The following TMC5 variants were observed in gnomAD, a reference collection of about 807,000 sequenced individuals.
The protein encoded by TMC5 is transmembrane channel-like protein 5.
A neutral mutation model predicts 110.5 loss-of-function variants in TMC5; 86 were observed. The observed-to-expected ratio is 0.78, with a 90% CI of 0.65 to 0.93. TMC5 has a LOEUF of 0.93. Ranked by LOEUF, TMC5 falls within the 40% of genes least tolerant of loss-of-function variation. The probability of loss-of-function intolerance (pLI) is 0.00; values close to 1 mark genes in which losing one functional copy is unlikely to be tolerated. For synonymous variants in TMC5, 455 were observed against 439.5 expected (o/e 1.04, Z -0.44); for missense variants, 1,144 against 1,222.8 (o/e 0.94, Z 0.96).
chr16:19,479,612 C>T (rs1968568202), intron 14 of TMC5, 84 bp downstream of exon 14: 3 of 932,130 alleles, frequency 3.2e-6, no homozygotes, highest in Admixed American at 1.9e-5. Flanking sequence ...ATACAGGTGC[C>T]TGACATACTC....
At chr16:19,451,441 C>T (rs967972224) in intron 5 of TMC5, among the ~76,000 whole-genome samples, 31 of 152,130 alleles carry the variant, frequency 2.0e-4, no homozygotes, top group Non-Finnish European at 5.9e-5. Flanking sequence ...CACTGGGGCA[C>T]AGAATGGCTT....
exon 1 of TMC5, chr16:19,410,972 C>G (rs1269538732): frequency 6.6e-6 from 1 of 152,320 alleles, no homozygotes; most frequent in Non-Finnish European, 1.5e-5. Context: ...GCGGGGAGAA[C>G]CACCAGGCGC....
chr16:19,436,374 G>C (rs1967350855), intron 2 of TMC5, among the ~76,000 whole-genome samples: 1 of 151,664 alleles, frequency 6.6e-6, no homozygotes, highest in Admixed American at 6.6e-5. Context: ...CAATACAGCT[G>C]TATCTGTTTT....
chr16:19,456,501 G>T (rs1215937037), intron 5 of TMC5: 4 of 1,303,486 alleles, frequency 3.1e-6, no homozygotes, highest in Middle Eastern at 3.0e-4. Flanking sequence ...CTCCTCAGGG[G>T]TTAGATGCAG....
At chr16:19,493,718 C>A (rs1968977866) in intron 19 of TMC5, among the ~76,000 whole-genome samples, 1 of 152,186 alleles carries the variant, frequency 6.6e-6, no homozygotes, top group African/African-American at 2.4e-5. Flanking sequence ...GCCTTGGCCT[C>A]CCAAAGTGCT....
Position 19,492,943 on chromosome 16 carries a change from A to ATATATATATATATGT in TMC5, c.2826+715_2826+716insTATATATATATATGT, listed in dbSNP as rs61334845. ...ATATATATATATATATCTCTCTATA[A>ATATATATATATATGT]GATAAATACTTTTATTTCATTTATT... On this transcript the variant is annotated intron_variant, in intron 19 of 21. Transcript: ENST00000542583. Among the ~76,000 whole-genome samples the ATATATATATATATGT allele has an allele frequency of 1.2e-4, 11 of 92,078 alleles. 1 individual carries two copies. The highest frequency in any genetic ancestry group is 1.9e-4 in the Non-Finnish European group (8 of 41,942). 60.4% of individuals were successfully genotyped at this position (92,078 alleles called of 152,430 possible).
chr16:19,449,147 G>A (rs536722959), intron 4 of TMC5, among the ~76,000 whole-genome samples: 7 of 151,896 alleles, frequency 4.6e-5, no homozygotes, highest in South Asian at 2.1e-4. Flanking sequence ...CACTGTGCCC[G>A]GCCACATATA....
At chr16:19,469,059 G>T (rs1454156580) in intron 9 of TMC5, among the ~76,000 whole-genome samples, 2 of 152,140 alleles carry the variant, frequency 1.3e-5, no homozygotes, top group Non-Finnish European at 2.9e-5. Flanking sequence ...AAGGGTAAAA[G>T]AACAAATTTG....
intron 2 of TMC5, among the ~76,000 whole-genome samples, chr16:19,434,513 G>A (rs1429576058): frequency 6.8e-6 from 1 of 146,082 alleles, no homozygotes; most frequent in African/African-American, 2.6e-5. Context: ...GAGAGAGATG[G>A]GGGTCTTGCT....
At chr16:19,495,035 G>A (rs1443237328) in intron 20 of TMC5, among the ~76,000 whole-genome samples, 8 of 3,338 alleles carry the variant, frequency 2.4e-3, no homozygotes, top group East Asian at 6.8e-3. Context: ...TTTTTTTTGA[G>A]ACGGAGTCTC....
chr16:19,438,390 C>CAAAA (rs60807937), intron 2 of TMC5, among the ~76,000 whole-genome samples: 1,218 of 59,222 alleles, frequency 0.021, 5 homozygotes, highest in Middle Eastern at 0.057. Flanking sequence ...GACACCCTGT[C>CAAAA]AAAAAAAAAA....
At position 19,498,334 on chromosome 16, in the gene TMC5, G is replaced by C. The variant is rs1358858834; in HGVS notation, c.*368G>C. Reference sequence around the variant, plus strand: ...CTCTCCTGCCAGACTTCCCAGACCTGGCAAAGGTTTAGAAACTGTTGCTAA... The same window carrying C: ...CTCTCCTGCCAGACTTCCCAGACCTCGCAAAGGTTTAGAAACTGTTGCTAA... On this transcript the variant is annotated 3_prime_UTR_variant, in exon 22 of 22. Coordinates refer to ENST00000542583, the MANE Select transcript of TMC5 (RefSeq NM_001261841.2). The C allele has an allele frequency of 4.6e-6, 1 of 218,640 alleles. No individual in the cohort carries two copies. 13.5% of individuals were successfully genotyped at this position (218,640 alleles called of 1,614,324 possible).
In TMC5 at chr16:19,440,034, C is replaced by G. The variant is rs996006543; in HGVS notation, c.-5C>G. ...ACCACTCCAGGGTGAAGAGTCCATA[C>G]CAACATGTCTGCCTACTACAGGAAT... On this transcript the variant is annotated 5_prime_UTR_variant, in exon 3 of 22. Transcript: ENST00000542583. The G allele has an allele frequency of 3.1e-6, 5 of 1,609,866 alleles. No homozygotes were observed. Among genetic ancestry groups the G allele is most frequent in the African/African-American group, 1.3e-5 (1 of 74,784 alleles).
intron 11 of TMC5, 56 bp from the exon 12 acceptor site, chr16:19,474,069 C>T: frequency 3.3e-6 from 5 of 1,531,678 alleles, no homozygotes; most frequent in Non-Finnish European, 4.4e-6. Flanking sequence ...TTGAGTGAAG[C>T]AGAAAGGGGT....
At chr16:19,494,154 C>G (rs539743119) in intron 19 of TMC5, 108 bp from the exon 20 acceptor site, 1 of 822,056 alleles carries the variant, frequency 1.2e-6, no homozygotes, top group African/African-American at 1.7e-5. Flanking sequence ...CTTCTAGGAT[C>G]CTAGCTGCCT....
chr16:19,490,739 CTT>C (rs1310936656), intron 18 of TMC5, among the ~76,000 whole-genome samples, 171 bp downstream of exon 18: 14 of 99,796 alleles, frequency 1.4e-4, no homozygotes, highest in African/African-American at 3.7e-4. Flanking sequence ...TCCTTCCTTC[CTT>C]CCTTCCTTCC....
rs1400600976 is a variant in TMC5, at chr16:19,492,186, A to G, written c.2784A>G (p.Gly928=). 3.1e-6 allele frequency: 5 copies of G among 1,613,746 alleles called. No individual in the cohort carries two copies. The South Asian group carries it at 5.5e-5, about 18-fold the overall frequency. The change falls in exon 19 of 22, where the codon GGA becomes GGG. Residue 928 remains glycine (G), a synonymous_variant. Transcript: ENST00000542583. ...ATCTTTACTGGCAGATCACAGAGGG[A>G]AGGAAGATTATGATAAGGCTGCTCC... The part of the protein sequence containing the change: ...ITYLYWQITE[G]RKIMIRLLHE...
At chr16:19,450,394 T>A (rs1216935986) in intron 5 of TMC5, among the ~76,000 whole-genome samples, 1 of 152,224 alleles carries the variant, frequency 6.6e-6, no homozygotes, top group Admixed American at 6.5e-5. Flanking sequence ...ATTTGTTGAA[T>A]GAGTACAGAA....
chr16:19,498,250 A>G lies in TMC5; in HGVS notation c.*284A>G, dbSNP rs1969106864. The G allele has an allele frequency of 2.3e-6, 1 of 427,636 alleles. No homozygotes were observed. The highest frequency in any genetic ancestry group is 4.0e-5 in the Admixed American group (1 of 24,926). 26.5% of individuals were successfully genotyped at this position (427,636 alleles called of 1,614,324 possible). ...TACAAAAACCTAGGAAGAGATAACT[A>G]GGGAATAATGTATATTATCTTCAAG... On this transcript the variant is annotated 3_prime_UTR_variant, in exon 22 of 22. Transcript: ENST00000542583.
Sources: allele counts gnomAD v4.1 joint callset (sites outside exome capture counted in the v4.1 genomes callset), GRCh38; gene constraint gnomAD v4.1.1; transcripts MANE v1.5; gene names NCBI Gene and HGNC (gene_info 2026-07-23, HGNC 2026-07-21).